ANKRD30B: variants seen among roughly 807,000 people sequenced by gnomAD.
ANKRD30B encodes ankyrin repeat domain-containing protein 30B.
In ANKRD30B, 144 loss-of-function variants were observed where a neutral mutation model predicts 202.2. The ratio of observed to expected loss-of-function variants is 0.71; its 90% CI spans 0.62 to 0.82. The LOEUF is 0.82. ANKRD30B is among the 40% of genes least tolerant of loss of function. The probability of loss-of-function intolerance (pLI) is 0.00; values close to 1 mark genes in which losing one functional copy is unlikely to be tolerated. For synonymous variants in ANKRD30B, 508 were observed against 561.3 expected, an observed-to-expected ratio of 0.91 and a Z score of 1.34; for missense variants, 1,487 against 1,669.1, an observed-to-expected ratio of 0.89 and a Z score of 1.90.
At chr18:14,821,056 A>C (rs1970389987) in intron 30 of ANKRD30B, among the ~76,000 whole-genome samples, 2 of 152,206 alleles carry the variant, frequency 1.3e-5, no homozygotes, top group Admixed American at 6.5e-5. Flanking sequence ...TTATTGTTCT[A>C]TTCAGAGATT....
chr18:14,909,642 A>T, the ANKRD30B span, among the ~76,000 whole-genome samples: 1 of 152,198 alleles, frequency 6.6e-6, no homozygotes. Flanking sequence ...TCCTGGCCTC[A>T]GGTGATCCAC....
chr18:14,838,454 T>C (rs941963174), intron 36 of ANKRD30B, among the ~76,000 whole-genome samples: 3 of 152,222 alleles, frequency 2.0e-5, no homozygotes, highest in Admixed American at 6.5e-5. Flanking sequence ...ACATGAGAAA[T>C]AGGACACCTG....
intron 7 of ANKRD30B, among the ~76,000 whole-genome samples, chr18:14,768,938 T>C (rs1239932664): frequency 6.6e-6 from 1 of 152,224 alleles, no homozygotes; most frequent in Non-Finnish European, 1.5e-5. Context: ...TTTCCGTGCA[T>C]TTGAGAACTA....
At chr18:14,798,885 G>A (rs944333021) in intron 20 of ANKRD30B, among the ~76,000 whole-genome samples, 39 of 152,134 alleles carry the variant, frequency 2.6e-4, no homozygotes, top group African/African-American at 9.4e-4. Flanking sequence ...ATAATCAGGA[G>A]CATTGCATCT....
At chr18:14,937,039 G>T in the ANKRD30B span, among the ~76,000 whole-genome samples, 1 of 152,218 alleles carries the variant, frequency 6.6e-6, no homozygotes, top group African/African-American at 2.4e-5. Flanking sequence ...AGCCCAAGCT[G>T]TGCTGGTAGT....
At chr18:14,836,443 C>A (rs1365055704) in intron 34 of ANKRD30B, among the ~76,000 whole-genome samples, 1 of 151,984 alleles carries the variant, frequency 6.6e-6, no homozygotes, top group Non-Finnish European at 1.5e-5. Context: ...AGTCACACAC[C>A]TAATTTTGTA....
intron 33 of ANKRD30B, among the ~76,000 whole-genome samples, chr18:14,831,181 G>GAAAAAAAAAAAAAAAAAAAA (rs71305894): frequency 1.9e-5 from 1 of 52,348 alleles, no homozygotes; most frequent in Non-Finnish European, 3.4e-5. Flanking sequence ...CTCCGTCTCG[G>GAAAAAAAAAAAAAAAAAAAA]AAAAAAAAAA....
At chr18:14,822,776 A>G (rs1221936268) in intron 32 of ANKRD30B, 99 bp downstream of exon 32, 9 of 1,372,994 alleles carry the variant, frequency 6.6e-6, no homozygotes, top group African/African-American at 1.5e-5. Context: ...TCTTTTCAAA[A>G]TTGGATGGGA....
intron 24 of ANKRD30B, among the ~76,000 whole-genome samples, chr18:14,807,722 G>A (rs1458140236): frequency 6.7e-6 from 1 of 150,006 alleles, no homozygotes; most frequent in Non-Finnish European, 1.5e-5. Flanking sequence ...TGTGGAGACA[G>A]GGTTTCGCTA....
the ANKRD30B span, among the ~76,000 whole-genome samples, chr18:14,875,470 C>T: frequency 6.6e-6 from 1 of 152,072 alleles, no homozygotes; most frequent in African/African-American, 2.4e-5. Flanking sequence ...TGGGCCCAAA[C>T]ACTTATTGAG....
At chr18:14,849,775 A>T (rs1313773687) in intron 40 of ANKRD30B, among the ~76,000 whole-genome samples, 1 of 151,706 alleles carries the variant, frequency 6.6e-6, no homozygotes, top group Non-Finnish European at 1.5e-5. Flanking sequence ...GATATTTGCC[A>T]TATTTTATAA....
downstream of ANKRD30B, among the ~76,000 whole-genome samples, chr18:14,856,093 G>C (rs1419101115): frequency 2.1e-5 from 3 of 142,988 alleles, no homozygotes; most frequent in Non-Finnish European, 3.1e-5. Flanking sequence ...TGGCCGGGCA[G>C]AGGCGCTCCT....
intron 39 of ANKRD30B, among the ~76,000 whole-genome samples, chr18:14,845,230 A>G (rs1350185104): frequency 6.6e-6 from 1 of 152,008 alleles, no homozygotes; most frequent in Non-Finnish European, 1.5e-5. Flanking sequence ...TTTAGGTCTA[A>G]CATTTAAGTC....
Position 14,748,527 on chromosome 18 carries a change from C to T in ANKRD30B, c.108C>T (p.Phe36=). ...AGAAGGACTACGGGACCATCTACTT[C>T]GGGGATCTAGGGAAGATCCATACAG... The part of the protein sequence containing the change: ...YTEKDYGTIY[F]GDLGKIHTAA... Residue 36 remains phenylalanine (F), a synonymous_variant, in exon 1 of 44, where the codon TTC becomes TTT. Coordinates refer to ENST00000690538, the MANE Select transcript of ANKRD30B (RefSeq NM_001367607.2). 1.3e-6 allele frequency: 2 copies of T among 1,552,662 alleles called. No individual in the cohort carries two copies. The highest frequency in any genetic ancestry group is 1.7e-6 in the Non-Finnish European group (2 of 1,147,470).
At chr18:14,905,021 G>A in the ANKRD30B span, among the ~76,000 whole-genome samples, 6 of 152,126 alleles carry the variant, frequency 3.9e-5, no homozygotes, top group African/African-American at 9.7e-5. Flanking sequence ...CAAGACCCCC[G>A]AAAACCAAGA....
At chr18:14,782,814 A>C (rs781610669) in intron 12 of ANKRD30B, among the ~76,000 whole-genome samples, 200 bp downstream of exon 12, 21 of 152,174 alleles carry the variant, frequency 1.4e-4, no homozygotes, top group Non-Finnish European at 2.8e-4. Context: ...AAACCGAATT[A>C]TTTGTTTGAA....
intron 33 of ANKRD30B, 109 bp downstream of exon 33, chr18:14,828,417 C>T: frequency 5.1e-6 from 4 of 790,418 alleles, no homozygotes; most frequent in Non-Finnish European, 7.9e-6. Context: ...GTATTATGTG[C>T]TTAATATTTA....
At chr18:14,769,127 G>A (rs558985296) in intron 7 of ANKRD30B, among the ~76,000 whole-genome samples, 2 of 152,092 alleles carry the variant, frequency 1.3e-5, no homozygotes, top group African/African-American at 2.4e-5. Flanking sequence ...GATCATGCAC[G>A]AAAATATGCA....
At chr18:14,799,680 G>T (rs1371511325) in intron 22 of ANKRD30B, among the ~76,000 whole-genome samples, 1 of 152,068 alleles carries the variant, frequency 6.6e-6, no homozygotes, top group Non-Finnish European at 1.5e-5. Flanking sequence ...GGTGACAGTT[G>T]TGAGCATTGT....
Sources: allele counts gnomAD v4.1 joint callset (sites outside exome capture counted in the v4.1 genomes callset), GRCh38; gene constraint gnomAD v4.1.1; transcripts MANE v1.5; gene names NCBI Gene and HGNC (gene_info 2026-07-23, HGNC 2026-07-21).